INPP5D: variants seen among roughly 807,000 people sequenced by gnomAD.
The protein encoded by INPP5D is inositol polyphosphate-5-phosphatase D.
In INPP5D, 33 loss-of-function variants were observed where a neutral mutation model predicts 122.9. That is an observed-to-expected ratio of 0.27 (90% CI 0.20 to 0.36). INPP5D has a LOEUF of 0.36. INPP5D is among the 10% of genes least tolerant of loss of function. The pLI is 1.00. For missense variants in INPP5D, 1,053 were observed against 1,412.7 expected (o/e 0.75, Z 4.08); for synonymous variants, 584 against 576.2 (o/e 1.01, Z -0.19).
intron 2 of INPP5D, among the ~76,000 whole-genome samples, chr2:233,109,640 G>A (rs1290568033): frequency 1.3e-5 from 2 of 151,484 alleles, no homozygotes; most frequent in Admixed American, 6.6e-5. Flanking sequence ...GTACAATGGC[G>A]CGATCTCGGC....
At chr2:233,138,536 T>C (rs1328430208) in intron 5 of INPP5D, among the ~76,000 whole-genome samples, 1 of 152,144 alleles carries the variant, frequency 6.6e-6, no homozygotes, top group African/African-American at 2.4e-5. Flanking sequence ...TGCAATGTTA[T>C]GTCCCTTAAA....
chr2:233,060,562 C>T lies in INPP5D; in HGVS notation c.84C>T (p.Phe28=), dbSNP rs1225216413. ...CCAGGACAGGCAAGGACGGGAGCTTCCTCGTGCGTGCCAGCGAGTCCATCT... is the reference window on the plus strand; with the variant it reads ...CCAGGACAGGCAAGGACGGGAGCTTTCTCGTGCGTGCCAGCGAGTCCATCT... ...LLSRTGKDGS[F]LVRASESISR... The change falls in exon 1 of 27, where the codon TTC becomes TTT. Residue 28 remains phenylalanine, a synonymous_variant. Transcript: ENST00000445964. The T allele has an allele frequency of 1.2e-6, 2 of 1,613,922 alleles. No homozygotes were observed. The highest frequency in any genetic ancestry group is 8.5e-7 in the Non-Finnish European group (1 of 1,179,890).
intron 9 of INPP5D, among the ~76,000 whole-genome samples, chr2:233,153,072 G>A (rs933568077): frequency 1.3e-5 from 2 of 152,176 alleles, no homozygotes; most frequent in African/African-American, 2.4e-5. Context: ...CCTGCTGATC[G>A]ATACCATGTA....
chr2:233,170,467 C>T lies in INPP5D; in HGVS notation c.1792-29C>T. 7 of 1,613,410 alleles carry T rather than the reference C, an allele frequency of 4.3e-6. No homozygotes were observed. Among genetic ancestry groups the T allele is most frequent in the Non-Finnish European group, 5.9e-6 (7 of 1,179,652 alleles). On this transcript the variant is annotated intron_variant, in intron 15 of 26. Coordinates refer to ENST00000445964, the MANE Select transcript of INPP5D (RefSeq NM_001017915.3). This position sits in a 1 kb window ranked among gnomAD's most constrained non-coding sequence, Gnocchi z 4.5. ...AGGCCTGGATCAGCAGGGCTTCTCA[C>T]CAGAGGCCCGGGCATGTTCTTGTTC...
intron 13 of INPP5D, among the ~76,000 whole-genome samples, chr2:233,166,329 G>C (rs1694338643): frequency 6.6e-6 from 1 of 152,254 alleles, no homozygotes; most frequent in Non-Finnish European, 1.5e-5. Flanking sequence ...TGGGCACTGG[G>C]TCAGCTTCTG....
chr2:233,104,012 T>A (rs1277061566), intron 2 of INPP5D, among the ~76,000 whole-genome samples: 1 of 136,900 alleles, frequency 7.3e-6, no homozygotes, highest in African/African-American at 2.9e-5. Context: ...CTGCCTTTTT[T>A]TTTTTTTTTT....
intron 2 of INPP5D, among the ~76,000 whole-genome samples, chr2:233,097,700 A>T (rs4973607): frequency 6.6e-6 from 1 of 151,900 alleles, no homozygotes; most frequent in African/African-American, 2.4e-5. Context: ...TCATTTTAAT[A>T]GTTTCTGAAT....
chr2:233,206,972 C>A lies in INPP5D; in HGVS notation c.*264C>A, dbSNP rs547619230. On this transcript the variant is annotated 3_prime_UTR_variant, in exon 27 of 27. Coordinates refer to ENST00000445964, the MANE Select transcript of INPP5D (RefSeq NM_001017915.3). The surrounding 1 kb of genome is among the most constrained non-coding windows in gnomAD (Gnocchi z 4.0). ...CCCAGCTCGCTCTTGGTACTTGGGA[C>A]CCCAGTGCCTCGTTGAGGGCGCCAT... 6.4e-6 allele frequency: 3 copies of A among 471,454 alleles called. No individual in the cohort carries two copies. The highest frequency in any genetic ancestry group is 3.8e-5 in the East Asian group (1 of 26,010). 29.2% of individuals were successfully genotyped at this position (471,454 alleles called of 1,614,324 possible). A position where few individuals can be genotyped will look rare whatever the true frequency, so the allele number is the denominator to read the frequency against.
intron 2 of INPP5D, among the ~76,000 whole-genome samples, chr2:233,113,962 G>A (rs1044387603): frequency 7.0e-6 from 1 of 142,724 alleles, no homozygotes; most frequent in East Asian, 2.0e-4. Flanking sequence ...GCTGGATGGA[G>A]TGCAGTGGCG....
intron 10 of INPP5D, among the ~76,000 whole-genome samples, chr2:233,159,445 C>G (rs1694141173): frequency 6.6e-6 from 1 of 152,026 alleles, no homozygotes; most frequent in South Asian, 2.1e-4. Context: ...TGCCCATAAT[C>G]CCAGCACTTT....
intron 1 of INPP5D, among the ~76,000 whole-genome samples, chr2:233,064,618 T>C (rs982154874): frequency 2.6e-5 from 4 of 152,108 alleles, no homozygotes; most frequent in African/African-American, 9.7e-5. Flanking sequence ...TGCAGAGCGG[T>C]TTATGGAACA....
intron 2 of INPP5D, among the ~76,000 whole-genome samples, chr2:233,092,179 G>C (rs1029131666): frequency 6.6e-6 from 1 of 152,222 alleles, no homozygotes; most frequent in Non-Finnish European, 1.5e-5. Flanking sequence ...GGAGTGACTG[G>C]GGGCCCGAGC....
Position 233,170,014 on chromosome 2 carries a change from T to C in INPP5D, c.1653-12T>C. ...GACCCCGTGCTAGATGGCCGCTTTTTCCTTGCATTAGGCGAAACCAAAACT... is the reference window on the plus strand; with the variant it reads ...GACCCCGTGCTAGATGGCCGCTTTTCCCTTGCATTAGGCGAAACCAAAACT... On this transcript the variant is annotated splice_polypyrimidine_tract_variant and intron_variant, in intron 14 of 26. Coordinates refer to ENST00000445964, the MANE Select transcript of INPP5D (RefSeq NM_001017915.3). This position sits in a 1 kb window ranked among gnomAD's most constrained non-coding sequence, Gnocchi z 4.5. The C allele has an allele frequency of 3.1e-6, 5 of 1,614,024 alleles. No individual in the cohort carries two copies. Among genetic ancestry groups the C allele is most frequent in the Non-Finnish European group, 4.2e-6 (5 of 1,179,884 alleles).
chr2:233,174,065 G>A (rs977019077), intron 17 of INPP5D, among the ~76,000 whole-genome samples: 2 of 152,196 alleles, frequency 1.3e-5, no homozygotes, highest in Admixed American at 6.5e-5. Flanking sequence ...TGGAGCTGTC[G>A]TCTCCTATGA....
intron 14 of INPP5D, 113 bp from the exon 15 acceptor site, chr2:233,169,913 T>TC (rs1377614773): frequency 1.1e-5 from 17 of 1,559,540 alleles, no homozygotes; most frequent in African/African-American, 2.7e-5. Flanking sequence ...AAGTCTCACT[T>TC]CCCCCCACCT....
chr2:233,107,584 C>A (rs1473131765), intron 2 of INPP5D, among the ~76,000 whole-genome samples: 1 of 152,174 alleles, frequency 6.6e-6, no homozygotes. Context: ...CTGCCCAAAA[C>A]AAGGCGAGAG....
At chr2:233,064,595 G>A (rs1691160422) in intron 1 of INPP5D, among the ~76,000 whole-genome samples, 1 of 152,266 alleles carries the variant, frequency 6.6e-6, no homozygotes, top group South Asian at 2.1e-4. Context: ...CTTTACAGAT[G>A]GGGAAACCGA....
At chr2:233,199,047 C>T (rs1035227365) in intron 25 of INPP5D, among the ~76,000 whole-genome samples, 2 of 151,828 alleles carry the variant, frequency 1.3e-5, no homozygotes, top group Admixed American at 6.6e-5. Context: ...GTTAAGAGTT[C>T]GAGTCCAGCC....
At chr2:233,174,103 T>C (rs1482748995) in intron 17 of INPP5D, among the ~76,000 whole-genome samples, 1 of 152,238 alleles carries the variant, frequency 6.6e-6, no homozygotes, top group African/African-American at 2.4e-5. Context: ...GGTTACCTCC[T>C]GAAGGACCTG....
Sources: gnomAD v4.1 joint callset for allele counts (sites outside exome capture counted in the v4.1 genomes callset) on GRCh38, gnomAD v4.1.1 for gene constraint, Gnocchi (gnomAD v3.1) non-coding constraint, MANE v1.5 for transcripts, NCBI Gene and HGNC (gene_info 2026-07-23, HGNC 2026-07-21) for gene names.